The following PCDH15 variants were observed in gnomAD, a reference collection of about 807,000 sequenced individuals.
PCDH15 encodes protocadherin-15.
In PCDH15, 129 loss-of-function variants were observed where a neutral mutation model predicts 178.5. The ratio of observed to expected loss-of-function variants is 0.72; its 90% CI spans 0.63 to 0.84. The LOEUF is 0.84. Ranked by LOEUF, PCDH15 falls within the 40% of genes least tolerant of loss-of-function variation. The pLI, the probability that PCDH15 is intolerant of heterozygous loss-of-function variation, is 0.00. For missense variants in PCDH15, 2,230 were observed against 2,099.9 expected, an observed-to-expected ratio of 1.06 and a Z score of -1.21; for synonymous variants, 800 against 732.0, an observed-to-expected ratio of 1.09 and a Z score of -1.50.
chr10:55,228,466 T>C (rs1841117192), intron 1 of PCDH15, among the ~76,000 whole-genome samples: 1 of 152,078 alleles, frequency 6.6e-6, no homozygotes, highest in African/African-American at 2.4e-5. Flanking sequence ...AATGTACATG[T>C]ATTGCATTGA....
intron 2 of PCDH15, among the ~76,000 whole-genome samples, chr10:55,086,300 C>T (rs1201985697): frequency 1.3e-5 from 2 of 151,694 alleles, no homozygotes; most frequent in African/African-American, 4.8e-5. Context: ...TCTATTGGTA[C>T]AACATATAAG....
rs549634153 is a variant in PCDH15 at position 54,119,635 on chromosome 10, G to T, written c.1917+13240C>A. 9.9e-5 allele frequency among the ~76,000 whole-genome samples: 15 copies of T among 152,104 alleles called. No homozygotes were observed. The South Asian group carries it at 3.1e-3, about 32-fold the overall frequency. On this transcript the variant is annotated intron_variant, in intron 15 of 37. Transcript: ENST00000644397. ...CAGAAAGGTAGACATCCAGAAACAA[G>T]AAATCAAGAGAACATCTGTGAGATA... is the stretch of plus-strand genomic sequence containing the variant.
chr10:53,993,182 C>A (rs1435741940), intron 21 of PCDH15, among the ~76,000 whole-genome samples: 1 of 152,124 alleles, frequency 6.6e-6, no homozygotes, highest in Non-Finnish European at 1.5e-5. Flanking sequence ...TTCTCATAGC[C>A]CTTACATGGC....
At chr10:54,657,692 A>C (rs576232701) in intron 2 of PCDH15, among the ~76,000 whole-genome samples, 31 of 152,320 alleles carry the variant, frequency 2.0e-4, no homozygotes, top group African/African-American at 7.5e-4. Flanking sequence ...AAATCACAGT[A>C]ATCCTCTAAA....
intron 1 of PCDH15, among the ~76,000 whole-genome samples, chr10:55,237,814 C>T (rs1317452702): frequency 6.6e-6 from 1 of 150,738 alleles, no homozygotes; most frequent in Admixed American, 6.6e-5. Flanking sequence ...GAAATATTTT[C>T]AATGTATTGG....
intron 2 of PCDH15, among the ~76,000 whole-genome samples, chr10:55,085,690 T>C (rs1344985673): frequency 1.3e-5 from 2 of 151,870 alleles, no homozygotes; most frequent in Non-Finnish European, 2.9e-5. Flanking sequence ...ATTAGAATCC[T>C]ATGAGATTTT....
At chr10:55,501,557 C>A (rs1450916777) in intron 2 of PCDH15, among the ~76,000 whole-genome samples, 2 of 151,528 alleles carry the variant, frequency 1.3e-5, no homozygotes, top group Non-Finnish European at 3.0e-5. Context: ...TGAGATAATA[C>A]CCCTTGATGG....
Position 54,180,332 on chromosome 10 carries a change from C to T in PCDH15, c.1590+3112G>A, listed in dbSNP as rs376693604. Among the ~76,000 whole-genome samples, 19 of 152,260 alleles carry T rather than the reference C, an allele frequency of 1.2e-4. No individual in the cohort carries two copies. In the East Asian group the frequency reaches 2.9e-3, roughly 23 times the overall value. ...TAAAACTTTATAACCAACTCATTTG[C>T]TCCTTGCAGACAGGGTAGATACTTA... On this transcript the variant is annotated intron_variant, in intron 13 of 37. Coordinates refer to ENST00000644397, the MANE Select transcript of PCDH15 (RefSeq NM_001384140.1).
At chr10:53,859,678 A>AG (rs1400026620) in intron 27 of PCDH15, among the ~76,000 whole-genome samples, 8 of 152,148 alleles carry the variant, frequency 5.3e-5, no homozygotes, top group Non-Finnish European at 8.8e-5. Flanking sequence ...ATTAAAAAAA[A>AG]AAATGTTTCA....
At chr10:54,656,097 A>G (rs2094401206) in intron 2 of PCDH15, 1 of 152,186 alleles carries the variant, frequency 6.6e-6, no homozygotes, top group Non-Finnish European at 1.5e-5. Context: ...ACTTCTCAGA[A>G]TAAACATACA....
chr10:54,089,197 C>A (rs2094560862), intron 16 of PCDH15, among the ~76,000 whole-genome samples: 1 of 152,144 alleles, frequency 6.6e-6, no homozygotes, highest in Non-Finnish European at 1.5e-5. Flanking sequence ...GCATTATGCC[C>A]CACATGTTCC....
chr10:54,780,188 C>A (rs1206902729), intron 1 of PCDH15, among the ~76,000 whole-genome samples: 1 of 152,114 alleles, frequency 6.6e-6, no homozygotes, highest in Non-Finnish European at 1.5e-5. Context: ...AATACTTCAT[C>A]ACTTTTGAGC....
chr10:54,767,873 A>T, intron 1 of PCDH15, among the ~76,000 whole-genome samples: 1 of 152,148 alleles, frequency 6.6e-6, no homozygotes, highest in East Asian at 1.9e-4. Context: ...AATGTAACAT[A>T]GTGTCCTGGT....
At chr10:54,787,505 C>A (rs1950998796) in intron 1 of PCDH15, among the ~76,000 whole-genome samples, 1 of 151,970 alleles carries the variant, frequency 6.6e-6, no homozygotes, top group African/African-American at 2.4e-5. Context: ...ATGTTTCTCA[C>A]TTCAGTTACT....
chr10:53,892,550 CAT>C (rs1444163064), intron 26 of PCDH15, among the ~76,000 whole-genome samples: 8 of 151,966 alleles, frequency 5.3e-5, no homozygotes, highest in Admixed American at 2.0e-4. Context: ...AAGAGTAAAA[CAT>C]ATGCAGAATT....
chr10:55,417,180 A>C (rs1015560131), intron 2 of PCDH15, among the ~76,000 whole-genome samples: 4 of 151,834 alleles, frequency 2.6e-5, no homozygotes, highest in Admixed American at 6.6e-5. Flanking sequence ...GCCACTCTTT[A>C]ATTTTCACAT....
intron 1 of PCDH15, among the ~76,000 whole-genome samples, chr10:55,271,098 G>A (rs2680332): frequency 0.75 from 114,514 of 151,788 alleles, 43,466 homozygotes; most frequent in East Asian, 0.9. Flanking sequence ...AGCACACATG[G>A]ACATAAACAT....
At chr10:54,886,146 C>T (rs1044737712) in intron 3 of PCDH15, among the ~76,000 whole-genome samples, 2 of 146,046 alleles carry the variant, frequency 1.4e-5, no homozygotes, top group Non-Finnish European at 2.9e-5. Context: ...CAGATTATTA[C>T]ATCAAAAGTT....
intron 1 of PCDH15, among the ~76,000 whole-genome samples, chr10:55,228,308 T>C (rs181010255): frequency 2.5e-4 from 38 of 152,104 alleles, no homozygotes; most frequent in Admixed American, 1.6e-3. Flanking sequence ...AGTGTTATTT[T>C]TAAAAAATGA....
Sources: allele counts gnomAD v4.1 joint callset (sites outside exome capture counted in the v4.1 genomes callset), GRCh38; gene constraint gnomAD v4.1.1; transcripts MANE v1.5; gene names NCBI Gene and HGNC (gene_info 2026-07-23, HGNC 2026-07-21).